Variants in NAALADL2 observed in about 807,000 individuals in gnomAD.
The protein encoded by NAALADL2 is N-acetylated alpha-linked acidic dipeptidase like 2, also known as inactive N-acetylated-alpha-linked acidic dipeptidase-like protein 2.
A neutral mutation model predicts 87.2 loss-of-function variants in NAALADL2; 76 were observed. The observed-to-expected ratio is 0.87, with a 90% CI of 0.72 to 1.05. The LOEUF is 1.05. Ranked by LOEUF, NAALADL2 falls within the 50% of genes least tolerant of loss-of-function variation. The pLI is 0.00. For synonymous variants in NAALADL2, 354 were observed against 331.0 expected (o/e 1.07, Z -0.75); for missense variants, 1,089 against 945.8 (o/e 1.15, Z -1.99).
chr3:174,457,427 T>C (rs1715915177), intron 1 of NAALADL2, among the ~76,000 whole-genome samples: 1 of 152,122 alleles, frequency 6.6e-6, no homozygotes, highest in Admixed American at 6.6e-5. Context: ...GTGTTTACAA[T>C]AGCAAAGCCA....
At chr3:175,612,436 G>A (rs1724773410) in intron 10 of NAALADL2, among the ~76,000 whole-genome samples, 1 of 152,180 alleles carries the variant, frequency 6.6e-6, no homozygotes, top group Non-Finnish European at 1.5e-5. Flanking sequence ...TGAAACATGA[G>A]GTCATGATAT....
intron 5 of NAALADL2, among the ~76,000 whole-genome samples, chr3:175,418,201 C>T (rs1220823371): frequency 1.3e-5 from 2 of 152,100 alleles, no homozygotes; most frequent in South Asian, 2.1e-4. Flanking sequence ...GAAAGGATTT[C>T]GTAAAGATTA....
At chr3:175,194,969 A>G (rs1453910123) in intron 2 of NAALADL2, among the ~76,000 whole-genome samples, 2 of 151,694 alleles carry the variant, frequency 1.3e-5, no homozygotes, top group Non-Finnish European at 3.0e-5. Flanking sequence ...CATTTAATCA[A>G]TGTAGTATTA....
At chr3:175,664,419 G>A (rs1315581103) in intron 11 of NAALADL2, among the ~76,000 whole-genome samples, 1 of 152,046 alleles carries the variant, frequency 6.6e-6, no homozygotes, top group Non-Finnish European at 1.5e-5. Context: ...TTTTATTAAA[G>A]AGCAGAAACA....
chr3:175,021,235 AT>A (rs1210479403), intron 1 of NAALADL2, among the ~76,000 whole-genome samples: 1 of 152,016 alleles, frequency 6.6e-6, no homozygotes, highest in Non-Finnish European at 1.5e-5. Flanking sequence ...TTTCTTGTCC[AT>A]TTGTTCCTTC....
At chr3:175,592,067 T>C (rs1203523274) in intron 10 of NAALADL2, among the ~76,000 whole-genome samples, 1 of 151,992 alleles carries the variant, frequency 6.6e-6, no homozygotes, top group Non-Finnish European at 1.5e-5. Context: ...CTATAAATGC[T>C]ATTCTTTCAT....
intron 2 of NAALADL2, among the ~76,000 whole-genome samples, chr3:175,126,221 G>C (rs994261100): frequency 6.6e-6 from 1 of 152,004 alleles, no homozygotes; most frequent in Admixed American, 6.6e-5. Flanking sequence ...AGAGGAATTG[G>C]AGATAGGAAG....
Position 174,797,310 on chromosome 3 carries a change from T to C in NAALADL2, c.-9+59564T>C, listed in dbSNP as rs9755559. ...TTCTTTTGTTTTTCTTTTTTCTTTT[T>C]TTTTTTTTTTTTTTTTTTTGAGACA... On this transcript the variant is annotated intron_variant, in intron 3 of 3. Transcript: ENST00000434257. Among the ~76,000 whole-genome samples, 89 of 119,740 alleles carry C rather than the reference T, an allele frequency of 7.4e-4. 1 individual carries two copies. The highest frequency in any genetic ancestry group is 2.8e-3 in the East Asian group (12 of 4,282). 78.6% of individuals were successfully genotyped at this position (119,740 alleles called of 152,430 possible).
At chr3:175,372,238 T>G (rs1766598470) in intron 5 of NAALADL2, among the ~76,000 whole-genome samples, 1 of 152,136 alleles carries the variant, frequency 6.6e-6, no homozygotes. Flanking sequence ...CATCATTACA[T>G]TTTTCATCAT....
intron 5 of NAALADL2, among the ~76,000 whole-genome samples, chr3:175,398,394 G>A (rs957541735): frequency 4.4e-5 from 6 of 137,778 alleles, no homozygotes; most frequent in African/African-American, 1.4e-4. Context: ...GGATTGCCCC[G>A]GTCCTTTAAA....
intron 2 of NAALADL2, among the ~76,000 whole-genome samples, chr3:174,624,361 C>T (rs1230817381): frequency 1.3e-5 from 2 of 152,200 alleles, no homozygotes; most frequent in South Asian, 2.1e-4. Context: ...CGGTGGCTCA[C>T]GCCTGTAATT....
At chr3:174,937,088 T>A (rs73881563) in intron 1 of NAALADL2, among the ~76,000 whole-genome samples, 4,435 of 152,200 alleles carry the variant, frequency 0.029, 203 homozygotes, top group African/African-American at 0.094. Flanking sequence ...CCAAACATTT[T>A]ATCATTAACT....
intron 11 of NAALADL2, among the ~76,000 whole-genome samples, chr3:175,647,139 A>G (rs1196665481): frequency 1.3e-5 from 2 of 152,104 alleles, no homozygotes; most frequent in East Asian, 3.9e-4. Context: ...CCATTCACCA[A>G]AGCGAGTCAT....
chr3:175,373,545 T>G (rs1766759072), intron 5 of NAALADL2, among the ~76,000 whole-genome samples: 1 of 152,198 alleles, frequency 6.6e-6, no homozygotes, highest in African/African-American at 2.4e-5. Flanking sequence ...CTCATATCAG[T>G]TTGCTAATCC....
chr3:175,340,858 A>G (rs1053235518), intron 5 of NAALADL2, among the ~76,000 whole-genome samples: 11 of 152,194 alleles, frequency 7.2e-5, no homozygotes, highest in Non-Finnish European at 1.5e-4. Flanking sequence ...GAAGCCAAAG[A>G]TCCAGAAGGA....
intron 11 of NAALADL2, among the ~76,000 whole-genome samples, chr3:175,663,480 T>C (rs1732553744): frequency 6.6e-6 from 1 of 151,904 alleles, no homozygotes; most frequent in African/African-American, 2.4e-5. Context: ...GTTGATTTTA[T>C]TTCATTTTTT....
At chr3:174,606,979 T>G (rs953473770) in intron 2 of NAALADL2, among the ~76,000 whole-genome samples, 1 of 152,086 alleles carries the variant, frequency 6.6e-6, no homozygotes, top group East Asian at 1.9e-4. Context: ...CGGCAGAAAC[T>G]CTACAAGCCA....
chr3:175,239,615 G>A (rs917926778), intron 3 of NAALADL2, among the ~76,000 whole-genome samples: 2 of 151,936 alleles, frequency 1.3e-5, no homozygotes, highest in African/African-American at 4.8e-5. Flanking sequence ...TTTTTTATCT[G>A]AAAGATAAGC....
At chr3:175,661,953 C>T (rs538636194) in intron 11 of NAALADL2, among the ~76,000 whole-genome samples, 1 of 152,008 alleles carries the variant, frequency 6.6e-6, no homozygotes, top group East Asian at 1.9e-4. Flanking sequence ...GTCCTTTCTT[C>T]CCAGGGTTGC....
Sources: gnomAD v4.1 joint callset for allele counts (sites outside exome capture counted in the v4.1 genomes callset) on GRCh38, gnomAD v4.1.1 for gene constraint, MANE v1.5 for transcripts, NCBI Gene and HGNC (gene_info 2026-07-23, HGNC 2026-07-21) for gene names.